ATRNL1: variants seen among roughly 807,000 people sequenced by gnomAD.
The protein encoded by ATRNL1 is attractin-like protein 1.
ATRNL1 carries 95 observed loss-of-function variants against 182.7 expected under a neutral mutation model. That is an observed-to-expected ratio of 0.52 (90% confidence interval 0.44 to 0.62). The LOEUF is 0.62. Among genes scored for constraint, ATRNL1 ranks in the 20% least tolerant of loss-of-function variants. The pLI is 0.00. For missense variants in ATRNL1, 1,471 were observed against 1,679.5 expected (o/e 0.88, Z 2.17); for synonymous variants, 576 against 568.3 (o/e 1.01, Z -0.19).
At chr10:115,526,451 C>A (rs1851219973) in intron 25 of ATRNL1, among the ~76,000 whole-genome samples, 1 of 152,096 alleles carries the variant, frequency 6.6e-6, no homozygotes, top group African/African-American at 2.4e-5. Flanking sequence ...GATAATCATT[C>A]TACTCCACTC....
At chr10:115,326,113 G>C (rs1446213667) in intron 18 of ATRNL1, among the ~76,000 whole-genome samples, 1 of 152,116 alleles carries the variant, frequency 6.6e-6, no homozygotes, top group Non-Finnish European at 1.5e-5. Flanking sequence ...GAAATAAACG[G>C]TGTTCAATTA....
intron 28 of ATRNL1, among the ~76,000 whole-genome samples, chr10:115,929,313 G>A (rs782162148): frequency 6.6e-6 from 1 of 152,000 alleles, no homozygotes; most frequent in Non-Finnish European, 1.5e-5. Flanking sequence ...AAATTCTGAA[G>A]GTAATGCCTG....
intron 9 of ATRNL1, among the ~76,000 whole-genome samples, chr10:115,239,253 G>A (rs1198764817): frequency 6.6e-6 from 1 of 151,768 alleles, no homozygotes; most frequent in Non-Finnish European, 1.5e-5. Context: ...TATTTTTTGT[G>A]ATGGAGTCTC....
chr10:115,660,897 G>T (rs1262963856), intron 26 of ATRNL1, among the ~76,000 whole-genome samples: 1 of 152,104 alleles, frequency 6.6e-6, no homozygotes, highest in East Asian at 1.9e-4. Flanking sequence ...ATGTTAATGG[G>T]AGTATCTTAA....
At chr10:115,528,445 T>C (rs1234142663) in intron 25 of ATRNL1, among the ~76,000 whole-genome samples, 1 of 152,150 alleles carries the variant, frequency 6.6e-6, no homozygotes, top group Non-Finnish European at 1.5e-5. Flanking sequence ...TAATCATTTT[T>C]ATTTCTGCAG....
chr10:115,543,576 C>T (rs1224123776), intron 25 of ATRNL1, among the ~76,000 whole-genome samples: 1 of 151,976 alleles, frequency 6.6e-6, no homozygotes, highest in African/African-American at 2.4e-5. Flanking sequence ...ATCAGTTAAC[C>T]TCAAATTGCT....
At position 115,816,043 on chromosome 10, in the gene ATRNL1, A is replaced by AC. The variant is rs564060516; in HGVS notation, c.3904-31832dup. ...TCAGTGAATTACAGTCTTAGGACTA[A>AC]CCAAGACAATTTTGAGCAAAAAGAA... On this transcript the variant is annotated intron_variant, in intron 27 of 28. Coordinates refer to ENST00000355044, the MANE Select transcript of ATRNL1 (RefSeq NM_207303.4). Among the ~76,000 whole-genome samples, 1,011 of 152,278 alleles carry AC rather than the reference A, an allele frequency of 6.6e-3. 7 individuals carry two copies. Among genetic ancestry groups the AC allele is most frequent in the Non-Finnish European group, 0.011 (781 of 68,016 alleles).
intron 15 of ATRNL1, among the ~76,000 whole-genome samples, chr10:115,297,867 G>A (rs1173718917): frequency 6.6e-6 from 1 of 151,800 alleles, no homozygotes; most frequent in Non-Finnish European, 1.5e-5. Context: ...TTTTGAGATT[G>A]CATATTTCAA....
intron 19 of ATRNL1, among the ~76,000 whole-genome samples, chr10:115,364,668 G>A (rs1220174694): frequency 6.6e-6 from 1 of 151,020 alleles, no homozygotes; most frequent in Non-Finnish European, 1.5e-5. Context: ...GTCATAGATA[G>A]CTCTTATTAT....
At chr10:115,684,853 T>C (rs1459943315) in intron 26 of ATRNL1, among the ~76,000 whole-genome samples, 2 of 151,894 alleles carry the variant, frequency 1.3e-5, no homozygotes, top group Non-Finnish European at 3.0e-5. Context: ...GGCTAGCATG[T>C]TATGATACTT....
At chr10:115,467,911 G>A (rs913724241) in intron 23 of ATRNL1, among the ~76,000 whole-genome samples, 1 of 150,400 alleles carries the variant, frequency 6.6e-6, no homozygotes, top group East Asian at 1.9e-4. Flanking sequence ...TGTATCAAAG[G>A]TATACTGTTG....
At chr10:115,469,130 G>C in intron 23 of ATRNL1, 42 bp from the exon 24 acceptor site, 1 of 771,948 alleles carries the variant, frequency 1.3e-6, no homozygotes, top group Non-Finnish European at 1.8e-6. Flanking sequence ...AATTCATAAA[G>C]ATATTTCCTA....
At chr10:115,823,246 C>G (rs1473401901) in intron 27 of ATRNL1, among the ~76,000 whole-genome samples, 2 of 152,148 alleles carry the variant, frequency 1.3e-5, no homozygotes, top group African/African-American at 4.8e-5. Flanking sequence ...GCTTAAAGCT[C>G]TCAATAAACT....
At chr10:115,418,918 C>G (rs560923567) in intron 20 of ATRNL1, among the ~76,000 whole-genome samples, 28 of 152,172 alleles carry the variant, frequency 1.8e-4, no homozygotes, top group African/African-American at 6.7e-4. Flanking sequence ...TTAATGGCCA[C>G]CAGACCAATT....
At chr10:115,527,496 C>T (rs1240901913) in intron 25 of ATRNL1, among the ~76,000 whole-genome samples, 1 of 123,552 alleles carries the variant, frequency 8.1e-6, no homozygotes, top group East Asian at 2.0e-4. Flanking sequence ...CCTATAAAAC[C>T]TGTAAAAAAT....
intron 27 of ATRNL1, among the ~76,000 whole-genome samples, chr10:115,747,883 C>T (rs1380542105): frequency 3.9e-5 from 6 of 152,150 alleles, no homozygotes; most frequent in African/African-American, 1.4e-4. Context: ...GCTGTATCCT[C>T]TTATGGTGAA....
chr10:115,542,635 G>A (rs1852424599), intron 25 of ATRNL1, among the ~76,000 whole-genome samples: 1 of 152,296 alleles, frequency 6.6e-6, no homozygotes, highest in South Asian at 2.1e-4. Context: ...CTAGGACCCT[G>A]ATCAGACCAA....
chr10:115,880,352 G>A (rs1190385690), intron 28 of ATRNL1, among the ~76,000 whole-genome samples: 13 of 152,302 alleles, frequency 8.5e-5, no homozygotes, highest in African/African-American at 1.4e-4. Context: ...GGCCAGGTAC[G>A]GTGGCTCACG....
intron 13 of ATRNL1, among the ~76,000 whole-genome samples, chr10:115,272,874 T>A (rs915151709): frequency 1.3e-5 from 2 of 152,182 alleles, no homozygotes; most frequent in African/African-American, 4.8e-5. Context: ...TGACATGAGT[T>A]GCTTGGTCAA....
Sources: gnomAD v4.1 joint callset for allele counts (sites outside exome capture counted in the v4.1 genomes callset) on GRCh38, gnomAD v4.1.1 for gene constraint, MANE v1.5 for transcripts, NCBI Gene and HGNC (gene_info 2026-07-23, HGNC 2026-07-21) for gene names.